NARF: variants seen among roughly 807,000 people sequenced by gnomAD.
NARF encodes iron-only hydrogenase-like protein 2.
In NARF, 41 loss-of-function variants were observed where a neutral mutation model predicts 48.0. The ratio of observed to expected loss-of-function variants is 0.85; its 90% CI spans 0.66 to 1.11. The LOEUF is 1.11. NARF is among the 50% of genes least tolerant of loss of function. The pLI, the probability that NARF is intolerant of heterozygous loss-of-function variation, is 0.00. For synonymous variants in NARF, 215 were observed against 225.5 expected, an observed-to-expected ratio of 0.95 and a Z score of 0.42; for missense variants, 613 against 590.2, an observed-to-expected ratio of 1.04 and a Z score of -0.40.
At chr17:82,471,984 C>T (rs1252855325) in intron 4 of NARF, among the ~76,000 whole-genome samples, 1 of 151,920 alleles carries the variant, frequency 6.6e-6, no homozygotes, top group African/African-American at 2.4e-5. Context: ...AGGGAAGAAG[C>T]ATGAGAGAGA....
intron 10 of NARF, 131 bp from the exon 11 acceptor site, chr17:82,487,785 G>T: frequency 6.4e-6 from 2 of 313,572 alleles, no homozygotes; most frequent in Non-Finnish European, 1.3e-5. Flanking sequence ...CGCCCCTCCC[G>T]CCCAATCTCT....
At chr17:82,482,827 ACT>A (rs2044003972) in intron 7 of NARF, 1 of 151,350 alleles carries the variant, frequency 6.6e-6, no homozygotes, top group South Asian at 2.1e-4. Flanking sequence ...ACGGAGTCTC[ACT>A]CTGTCACCCA....
At chr17:82,475,656 G>A (rs112650226) in intron 5 of NARF, among the ~76,000 whole-genome samples, 2,261 of 152,292 alleles carry the variant, frequency 0.015, 63 homozygotes, top group African/African-American at 0.052. Context: ...CAAGGGGCTG[G>A]CCTGCAGCCA....
At chr17:82,474,992 G>T (rs994753300) in intron 5 of NARF, among the ~76,000 whole-genome samples, 3 of 152,188 alleles carry the variant, frequency 2.0e-5, no homozygotes, top group Non-Finnish European at 4.4e-5. Context: ...GATTGTGGGT[G>T]TTACATTCAG....
At chr17:82,478,283 A>G (rs2043879554) in intron 5 of NARF, among the ~76,000 whole-genome samples, 2 of 152,228 alleles carry the variant, frequency 1.3e-5, no homozygotes, top group African/African-American at 4.8e-5. Flanking sequence ...GTGACACTAC[A>G]GATGTTGCTA....
upstream of NARF, chr17:82,458,543 C>T (rs575100279): frequency 6.7e-5 from 28 of 419,922 alleles, no homozygotes; most frequent in Non-Finnish European, 9.8e-5. Context: ...GCCCCGCGCG[C>T]TCCGATTGGC....
chr17:82,470,134 G>A (rs992271078), intron 4 of NARF, among the ~76,000 whole-genome samples: 2 of 152,132 alleles, frequency 1.3e-5, no homozygotes, highest in South Asian at 4.1e-4. Context: ...TTTGGAATAA[G>A]GATCATCAGG....
At chr17:82,486,347 G>A (rs1359756558) in intron 10 of NARF, among the ~76,000 whole-genome samples, 1 of 152,150 alleles carries the variant, frequency 6.6e-6, no homozygotes. Context: ...AGTCGGGGGG[G>A]GCACCACGAG....
chr17:82,479,612 G>T (rs2043914112), intron 6 of NARF, among the ~76,000 whole-genome samples: 2 of 152,186 alleles, frequency 1.3e-5, no homozygotes. Flanking sequence ...GCCCCACACT[G>T]CTCTTCTCAA....
At chr17:82,480,270 G>A in intron 6 of NARF, 2 of 393,712 alleles carry the variant, frequency 5.1e-6, no homozygotes, top group Non-Finnish European at 8.9e-6. Context: ...AAAGTCTGTG[G>A]GTGAAGTAGC....
chr17:82,459,273 A>G (rs1023724389), intron 1 of NARF: 36 of 803,632 alleles, frequency 4.5e-5, no homozygotes, highest in Non-Finnish European at 5.3e-5. Flanking sequence ...GGTTGTCTCC[A>G]GGCCATGGCA....
At chr17:82,469,306 G>A (rs988072729) in intron 4 of NARF, among the ~76,000 whole-genome samples, 8 of 152,234 alleles carry the variant, frequency 5.3e-5, no homozygotes, top group African/African-American at 1.9e-4. Flanking sequence ...GAAGCTCTCT[G>A]AAGAGCAGAG....
At chr17:82,462,416 A>G (rs893084558) in intron 2 of NARF, among the ~76,000 whole-genome samples, 3 of 152,188 alleles carry the variant, frequency 2.0e-5, no homozygotes, top group African/African-American at 7.2e-5. Flanking sequence ...TGATGGAGGT[A>G]ACCGACTTAA....
intron 1 of NARF, 101 bp from the exon 2 acceptor site, chr17:82,459,887 AAAAG>A: frequency 6.8e-6 from 6 of 881,802 alleles, no homozygotes; most frequent in African/African-American, 3.4e-5. Context: ...TAAATAAACT[AAAAG>A]AAAGGATAGA....
chr17:82,467,417 T>G (rs1011489508), intron 3 of NARF, among the ~76,000 whole-genome samples: 1 of 152,214 alleles, frequency 6.6e-6, no homozygotes, highest in Non-Finnish European at 1.5e-5. Flanking sequence ...TTATGCAGTA[T>G]TTTTTTAGAA....
At chr17:82,471,361 A>G (rs2043698341) in intron 4 of NARF, among the ~76,000 whole-genome samples, 1 of 150,142 alleles carries the variant, frequency 6.7e-6, no homozygotes, top group Non-Finnish European at 1.5e-5. Context: ...AGGCCGAAGC[A>G]GGAGAATGGT....
Position 82,485,501 on chromosome 17 carries a change from A to G in NARF, c.976A>G (p.Lys326Glu), listed in dbSNP as rs147533361. 6.2e-7 allele frequency: 1 copy of G among 1,614,042 alleles called. No homozygotes were observed. The change falls in exon 10 of 11, where the codon AAA becomes GAA. Residue 326 changes from lysine to glutamate, a missense_variant. By Grantham distance (56) the Lys-to-Glu change is moderately conservative. Coordinates refer to ENST00000309794, the MANE Select transcript of NARF (RefSeq NM_012336.4). Reference protein sequence around the residue: ...EEVTYRALRNKDFQEVTLEKN... With the variant: ...EEVTYRALRNEDFQEVTLEKN... ...TTCTCTGTGTTCATTTTGTAGAAAC[A>G]AAGACTTCCAAGAGGTCACCCTTGA...
At chr17:82,475,267 G>A (rs1048976538) in intron 5 of NARF, among the ~76,000 whole-genome samples, 1 of 152,148 alleles carries the variant, frequency 6.6e-6, no homozygotes, top group Non-Finnish European at 1.5e-5. Flanking sequence ...AAATGACAAC[G>A]AACTAAGGCC....
In NARF at chr17:82,483,896, G is replaced by A. The variant is rs1025601009; in HGVS notation, c.833+117G>A. The stretch of plus-strand genomic sequence containing the variant: ...ATGACGAGGCCATGTGAAGCACTGC[G>A]ATGCAGTCCCCCAGGCCCCTGCCAC... On this transcript the variant is annotated intron_variant, in intron 8 of 10. Coordinates refer to ENST00000309794, the MANE Select transcript of NARF (RefSeq NM_012336.4). 51 of 897,130 alleles carry A rather than the reference G, an allele frequency of 5.7e-5. No individual in the cohort carries two copies. In the East Asian group the frequency reaches 1.1e-3, roughly 19 times the overall value. The allele number at this position is 897,130 out of a possible 1,614,324, so 55.6% of individuals were successfully genotyped here.
Sources: allele counts gnomAD v4.1 joint callset (sites outside exome capture counted in the v4.1 genomes callset), GRCh38; gene constraint gnomAD v4.1.1; transcripts MANE v1.5; gene names NCBI Gene and HGNC (gene_info 2026-07-23, HGNC 2026-07-21).